OR1L8: variants seen among roughly 807,000 people sequenced by gnomAD.
OR1L8 encodes the protein olfactory receptor 1L8.
For missense variants in OR1L8, 330 were observed against 377.4 expected, an observed-to-expected ratio of 0.87 and a Z score of 1.04; for synonymous variants, 148 against 147.0, an observed-to-expected ratio of 1.01 and a Z score of -0.05.
chr9:122,569,328 G>T (rs188011501), intron 4 of OR1L8, among the ~76,000 whole-genome samples: 2 of 151,754 alleles, frequency 1.3e-5, no homozygotes, highest in Non-Finnish European at 2.9e-5. Flanking sequence ...TATCTTTTAC[G>T]TGTTAAAAAT....
At chr9:122,550,035 T>C in the OR1L8 span, among the ~76,000 whole-genome samples, 1 of 150,766 alleles carries the variant, frequency 6.6e-6, no homozygotes, top group African/African-American at 2.5e-5. Context: ...AAAATTTCTT[T>C]CTTCAGTGTT....
the OR1L8 span, among the ~76,000 whole-genome samples, chr9:122,549,495 G>A: frequency 1.6e-4 from 25 of 152,112 alleles, no homozygotes; most frequent in Admixed American, 1.4e-3. Context: ...ATAGTTTCAG[G>A]TCTTACAGTT....
rs770290891 is a variant in OR1L8 at position 122,567,587 on chromosome 9, C to T, written c.891G>A (p.Leu297=). The stretch of plus-strand genomic sequence containing the variant: ...TCATAAGCTTCCTCAGGCCCTGTTT[C>T]AGGTCTTTGTTTCTCAGGCTGTAGA... The part of the protein sequence containing the change: ...PFIYSLRNKD[L]KQGLRKLMSK... Residue 297 remains leucine (L), a synonymous_variant, in exon 5 of 5, where the codon CTG becomes CTA. Transcript: ENST00000641027. 6 of 1,605,834 alleles carry T rather than the reference C, an allele frequency of 3.7e-6. No individual in the cohort carries two copies. The African/African-American group carries it at 4.0e-5, about 11-fold the overall frequency.
chr9:122,549,292 A>G, the OR1L8 span, among the ~76,000 whole-genome samples: 1 of 152,078 alleles, frequency 6.6e-6, no homozygotes, highest in African/African-American at 2.4e-5. Context: ...TTCCACCATG[A>G]TTGGAAGCTT....
Position 122,567,465 on chromosome 9 carries a change from G to A in OR1L8, c.*83C>T. On this transcript the variant is annotated 3_prime_UTR_variant, in exon 5 of 5. Transcript: ENST00000641027. ...GGGTCAGAAGTGCTAGCTTCCAACA[G>A]CTTTGACTGTTCACCAGAAACCAGT... is the stretch of plus-strand genomic sequence containing the variant. 9.5e-7 allele frequency: 1 copy of A among 1,055,100 alleles called. No individual in the cohort carries two copies. The highest frequency in any genetic ancestry group is 1.4e-6 in the Non-Finnish European group (1 of 720,876). The allele number at this position is 1,055,100 out of a possible 1,614,324, so 65.4% of individuals were successfully genotyped here.
the OR1L8 span, chr9:122,553,661 G>C: frequency 1.3e-5 from 21 of 1,613,994 alleles, no homozygotes; most frequent in African/African-American, 1.9e-4. Flanking sequence ...TGCTGGGTGT[G>C]TGCTGGGTGC....
chr9:122,557,339 T>C, the OR1L8 span, among the ~76,000 whole-genome samples: 1 of 152,142 alleles, frequency 6.6e-6, no homozygotes, highest in Non-Finnish European at 1.5e-5. Flanking sequence ...CATCATTAAG[T>C]ATGATATTAA....
chr9:122,566,957 G>A (rs1398471584), downstream of OR1L8, among the ~76,000 whole-genome samples: 1 of 150,760 alleles, frequency 6.6e-6, no homozygotes, highest in Non-Finnish European at 1.5e-5. Flanking sequence ...AAATATAAGA[G>A]GAAATTAAAA....
chr9:122,547,049 C>T, the OR1L8 span, among the ~76,000 whole-genome samples: 1 of 151,756 alleles, frequency 6.6e-6, no homozygotes, highest in Admixed American at 6.6e-5. Flanking sequence ...AGAACTTATC[C>T]TGCTATTAGC....
rs893202509 is a variant in OR1L8 at position 122,581,306 on chromosome 9, T to C, written c.-600+2015A>G. ...TCTTGAACCCAGGAGGCGGCGGTTG[T>C]AGTGAGCCGAGATGGCGCCACTGCA... On this transcript the variant is annotated intron_variant, in intron 1 of 4. Coordinates refer to ENST00000641027, the MANE Select transcript of OR1L8 (RefSeq NM_001004454.2). 3.3e-5 allele frequency among the ~76,000 whole-genome samples: 5 copies of C among 152,042 alleles called. 1 individual carries two copies. Among genetic ancestry groups the C allele is most frequent in the Non-Finnish European group, 2.9e-5 (2 of 67,998 alleles).
chr9:122,571,646 G>A (rs1236627106), intron 4 of OR1L8, among the ~76,000 whole-genome samples: 2 of 151,462 alleles, frequency 1.3e-5, no homozygotes, highest in Non-Finnish European at 2.9e-5. Flanking sequence ...AACCCGGGAG[G>A]CGGAGGTTGC....
At chr9:122,561,944 C>G in the OR1L8 span, among the ~76,000 whole-genome samples, 1 of 152,182 alleles carries the variant, frequency 6.6e-6, no homozygotes, top group African/African-American at 2.4e-5. Context: ...GTAGGAAAAA[C>G]TAAGTCTGCT....
chr9:122,573,193 T>C lies in OR1L8; in HGVS notation c.-341-285A>G, dbSNP rs115416540. Among the ~76,000 whole-genome samples the C allele has an allele frequency of 6.0e-3, 919 of 152,220 alleles. 15 individuals carry two copies. The highest frequency in any genetic ancestry group is 0.02 in the African/African-American group (840 of 41,534). ...GTGGTGTGCTGACCCCTCAGGGGAG[T>C]TTGTCCTGTGATCTCCCTCAGCAAA... On this transcript the variant is annotated intron_variant, in intron 3 of 4. Transcript: ENST00000641027.
At chr9:122,574,004 T>C (rs563262920) in intron 3 of OR1L8, among the ~76,000 whole-genome samples, 1 of 152,344 alleles carries the variant, frequency 6.6e-6, no homozygotes, top group East Asian at 1.9e-4. Flanking sequence ...TGCTCCGTTA[T>C]ATGTCTTTGC....
chr9:122,572,628 G>A (rs1313859459), intron 4 of OR1L8, among the ~76,000 whole-genome samples, 152 bp downstream of exon 4: 1 of 151,532 alleles, frequency 6.6e-6, no homozygotes, highest in Non-Finnish European at 1.5e-5. Context: ...AGCATGTGGT[G>A]TAGAGGGCCT....
the OR1L8 span, chr9:122,553,604 A>G: frequency 9.9e-6 from 16 of 1,613,952 alleles, no homozygotes; most frequent in East Asian, 3.3e-4. Context: ...CCATCTGCCA[A>G]CCACTCCATT....
the OR1L8 span, among the ~76,000 whole-genome samples, chr9:122,551,852 A>G: frequency 2.0e-5 from 3 of 152,074 alleles, no homozygotes; most frequent in African/African-American, 4.8e-5. Flanking sequence ...ATCGAGCCAT[A>G]CACTTCAGGT....
At chr9:122,567,107 A>C (rs2118708279), downstream of OR1L8, 1 of 152,540 alleles carries the variant, frequency 6.6e-6, no homozygotes, top group Non-Finnish European at 1.5e-5. Flanking sequence ...AATTAGCTAA[A>C]ATATATATCC....
At chr9:122,563,184 A>AT (rs61467780), downstream of OR1L8, among the ~76,000 whole-genome samples, 10,905 of 149,318 alleles carry the variant, frequency 0.073, 533 homozygotes, top group African/African-American at 0.12. Context: ...AGCATTTGTT[A>AT]TTTTTTTTTT....
Sources: allele counts gnomAD v4.1 joint callset (sites outside exome capture counted in the v4.1 genomes callset), GRCh38; gene constraint gnomAD v4.1.1; transcripts MANE v1.5; gene names NCBI Gene and HGNC (gene_info 2026-07-23, HGNC 2026-07-21).